TIMP2: variants seen among roughly 807,000 people sequenced by gnomAD.
TIMP2 encodes TIMP metallopeptidase inhibitor 2, also known as metalloproteinase inhibitor 2.
In TIMP2, 5 loss-of-function variants were observed where a neutral mutation model predicts 24.3. The observed-to-expected ratio is 0.21, with a 90% CI of 0.11 to 0.43. TIMP2 has a LOEUF of 0.43. Among genes scored for constraint, TIMP2 ranks in the 20% least tolerant of loss-of-function variants. The pLI, the probability that TIMP2 is intolerant of heterozygous loss-of-function variation, is 1.00. For synonymous variants in TIMP2, 130 were observed against 123.2 expected, an observed-to-expected ratio of 1.06 and a Z score of -0.37; for missense variants, 221 against 297.5, an observed-to-expected ratio of 0.74 and a Z score of 1.89.
intron 1 of TIMP2, among the ~76,000 whole-genome samples, chr17:78,903,546 G>A (rs376461604): frequency 1.3e-5 from 2 of 152,128 alleles, no homozygotes; most frequent in Non-Finnish European, 2.9e-5. Context: ...TCCTGACAAC[G>A]CCTGCCATCC....
chr17:78,903,905 G>A (rs777553700), intron 1 of TIMP2, among the ~76,000 whole-genome samples: 1 of 152,000 alleles, frequency 6.6e-6, no homozygotes, highest in Non-Finnish European at 1.5e-5. Flanking sequence ...GTAAAGTGAT[G>A]ACTGGCATTG....
chr17:78,886,563 G>A (rs776158441), intron 1 of TIMP2, among the ~76,000 whole-genome samples: 2 of 152,132 alleles, frequency 1.3e-5, no homozygotes, highest in African/African-American at 4.8e-5. Context: ...ACCCCACCCC[G>A]AGAAATCTAT....
intron 1 of TIMP2, among the ~76,000 whole-genome samples, chr17:78,882,500 T>C (rs1193934156): frequency 3.3e-5 from 5 of 152,214 alleles, no homozygotes; most frequent in Admixed American, 6.5e-5. Flanking sequence ...CTCAGATCGC[T>C]GTGGGATCCC....
At chr17:78,923,247 G>A (rs1221503612) in intron 1 of TIMP2, among the ~76,000 whole-genome samples, 1 of 151,934 alleles carries the variant, frequency 6.6e-6, no homozygotes, top group Non-Finnish European at 1.5e-5. Flanking sequence ...GGCACGCACT[G>A]CAGCCCTCCA....
chr17:78,911,441 T>C (rs1336518923), intron 1 of TIMP2, among the ~76,000 whole-genome samples: 3 of 152,078 alleles, frequency 2.0e-5, no homozygotes, highest in Non-Finnish European at 4.4e-5. Context: ...TTTTGTTTTT[T>C]GTTTTTTGAG....
intron 1 of TIMP2, among the ~76,000 whole-genome samples, chr17:78,917,287 G>A (rs760823319): frequency 3.4e-4 from 50 of 148,824 alleles, no homozygotes; most frequent in Non-Finnish European, 6.7e-4. Flanking sequence ...AAAATTAGCT[G>A]GGCATGGCAG....
chr17:78,868,689 C>A (rs2069640441), intron 3 of TIMP2, among the ~76,000 whole-genome samples: 2 of 152,094 alleles, frequency 1.3e-5, no homozygotes, highest in South Asian at 4.1e-4. Flanking sequence ...TACATTTATA[C>A]TAAAATTACT....
intron 1 of TIMP2, among the ~76,000 whole-genome samples, chr17:78,907,385 G>T (rs951258826): frequency 1.3e-5 from 2 of 152,140 alleles, no homozygotes; most frequent in African/African-American, 4.8e-5. Flanking sequence ...TGTGTCTCAG[G>T]AAAGAGGGAG....
intron 1 of TIMP2, among the ~76,000 whole-genome samples, chr17:78,894,768 C>T (rs1265658887): frequency 6.6e-6 from 1 of 151,608 alleles, no homozygotes; most frequent in African/African-American, 2.4e-5. Context: ...ACACCAAAAG[C>T]ACAACCAATA....
rs1157679255 is a variant in TIMP2 at position 78,854,708 on chromosome 17, A to T, written c.*959T>A. Reference sequence around the variant, plus strand: ...AGACCCAGCTTTTTCTGTCCTCAGGATGTGCAGATGGGGAGCCCAGCCGGG... The same window carrying T: ...AGACCCAGCTTTTTCTGTCCTCAGGTTGTGCAGATGGGGAGCCCAGCCGGG... On this transcript the variant is annotated 3_prime_UTR_variant, in exon 5 of 5. Transcript: ENST00000262768. 2 of 152,154 alleles carry T rather than the reference A, an allele frequency of 1.3e-5. No homozygotes were observed. The highest frequency in any genetic ancestry group is 4.8e-5 in the African/African-American group (2 of 41,430). 9.4% of individuals were successfully genotyped at this position (152,154 alleles called of 1,614,324 possible).
At chr17:78,895,960 T>C (rs2069992508) in intron 1 of TIMP2, among the ~76,000 whole-genome samples, 1 of 152,246 alleles carries the variant, frequency 6.6e-6, no homozygotes, top group Non-Finnish European at 1.5e-5. Flanking sequence ...ATGACCTCAG[T>C]GCACCCCGTG....
intron 1 of TIMP2, among the ~76,000 whole-genome samples, chr17:78,881,875 C>G (rs964905248): frequency 3.3e-5 from 5 of 152,256 alleles, no homozygotes; most frequent in African/African-American, 1.2e-4. Context: ...GTAACTATAA[C>G]TTGGCGTTGC....
intron 1 of TIMP2, among the ~76,000 whole-genome samples, chr17:78,909,839 C>T (rs1234708540): frequency 2.0e-5 from 3 of 152,070 alleles, no homozygotes; most frequent in South Asian, 2.1e-4. Flanking sequence ...GGCACTGTGA[C>T]CCAGGCAGTG....
intron 3 of TIMP2, among the ~76,000 whole-genome samples, chr17:78,862,294 T>C (rs2069573570): frequency 6.6e-6 from 1 of 152,146 alleles, no homozygotes; most frequent in Non-Finnish European, 1.5e-5. Flanking sequence ...AGCCCCTGGA[T>C]AAAGGGTCTA....
At chr17:78,877,592 G>C (rs2069739370) in intron 1 of TIMP2, among the ~76,000 whole-genome samples, 1 of 152,096 alleles carries the variant, frequency 6.6e-6, no homozygotes, top group African/African-American at 2.4e-5. Context: ...CAAGCCAGCA[G>C]AATCCAAAGG....
intron 1 of TIMP2, among the ~76,000 whole-genome samples, chr17:78,894,158 T>G (rs994534037): frequency 6.6e-6 from 1 of 152,114 alleles, no homozygotes; most frequent in South Asian, 2.1e-4. Context: ...TCCGTTCATC[T>G]TTTTTACAGT....
chr17:78,877,707 C>CT lies in TIMP2; in HGVS notation c.131-3789dup, dbSNP rs781320147. Among the ~76,000 whole-genome samples the CT allele has an allele frequency of 7.9e-3, 1,126 of 142,764 alleles. 13 individuals carry two copies. Among genetic ancestry groups the CT allele is most frequent in the East Asian group, 0.035 (172 of 4,888 alleles). The allele number at this position is 142,764 out of a possible 152,430, so 93.7% of individuals were successfully genotyped here. A position where few individuals can be genotyped will look rare whatever the true frequency, so the allele number is the denominator to read the frequency against. ...GGAGCTGCTTTTCTTTTCTTTCTTT[C>CT]TTTTTTTTTTTTTTGAGATGGAGTC... On this transcript the variant is annotated intron_variant, in intron 1 of 4. Coordinates refer to ENST00000262768, the MANE Select transcript of TIMP2 (RefSeq NM_003255.5).
chr17:78,869,626 C>T (rs974845981), intron 3 of TIMP2, among the ~76,000 whole-genome samples: 2 of 151,844 alleles, frequency 1.3e-5, no homozygotes, highest in African/African-American at 4.8e-5. Flanking sequence ...GCCTGGTCAA[C>T]GTGGTGAAAC....
chr17:78,921,812 C>G (rs2070310390), intron 1 of TIMP2, among the ~76,000 whole-genome samples: 1 of 152,166 alleles, frequency 6.6e-6, no homozygotes, highest in African/African-American at 2.4e-5. Context: ...TTATCTTTGC[C>G]GACCACAGTT....
Sources: gnomAD v4.1 joint callset for allele counts (sites outside exome capture counted in the v4.1 genomes callset) on GRCh38, gnomAD v4.1.1 for gene constraint, MANE v1.5 for transcripts, NCBI Gene and HGNC (gene_info 2026-07-23, HGNC 2026-07-21) for gene names.